Variants in SBNO2 observed in about 807,000 individuals in gnomAD.
SBNO2 encodes the protein protein strawberry notch homolog 2.
In SBNO2, 89 loss-of-function variants were observed where a neutral mutation model predicts 146.3. The observed-to-expected ratio is 0.61, with a 90% CI of 0.51 to 0.73. SBNO2 has a LOEUF of 0.73. SBNO2 is among the 30% of genes least tolerant of loss of function. SBNO2 has a pLI of 0.00. For synonymous variants in SBNO2, 1,147 were observed against 892.6 expected (o/e 1.29, Z -5.08); for missense variants, 2,092 against 2,003.7 (o/e 1.04, Z -0.84).
At chr19:1,146,245 G>A (rs2080188667) in intron 4 of SBNO2, among the ~76,000 whole-genome samples, 3 of 152,094 alleles carry the variant, frequency 2.0e-5, no homozygotes, top group South Asian at 4.1e-4. Flanking sequence ...CGGACTTGAC[G>A]GACGCGGTCA....
intron 12 of SBNO2, 27 bp downstream of exon 12, chr19:1,119,879 G>A: frequency 6.7e-7 from 1 of 1,496,164 alleles, no homozygotes; most frequent in Non-Finnish European, 9.0e-7. Context: ...GCTGCGGGTG[G>A]GTCACGTGGG....
rs1304957034 is a variant in SBNO2 at position 1,173,631 on chromosome 19, G to T, written c.-127+541C>A. Reference sequence around the variant, plus strand: ...CGAGGAGCCTGGAGTCAGGAATCGGGGCGGCGGGAGAGACCGGGGGTCACT... The same window carrying T: ...CGAGGAGCCTGGAGTCAGGAATCGGTGCGGCGGGAGAGACCGGGGGTCACT... On this transcript the variant is annotated intron_variant, in intron 1 of 31. Transcript: ENST00000361757. This position sits in a 1 kb window ranked among gnomAD's most constrained non-coding sequence, Gnocchi z 4.7. 6.6e-6 allele frequency: 1 copy of T among 152,452 alleles called. No homozygotes were observed. The highest frequency in any genetic ancestry group is 1.5e-5 in the Non-Finnish European group (1 of 68,296). The allele number at this position is 152,452 out of a possible 1,614,324, so 9.4% of individuals were successfully genotyped here. A position where few individuals can be genotyped will look rare whatever the true frequency, so the allele number is the denominator to read the frequency against.
At chr19:1,119,192 A>G (rs2145214241) in intron 13 of SBNO2, 28 bp from the exon 14 acceptor site, 1 of 1,575,488 alleles carries the variant, frequency 6.3e-7, no homozygotes, top group South Asian at 1.1e-5. Flanking sequence ...CCCCGTGAGC[A>G]CGGCCAGAGC....
At chr19:1,118,780 G>T (rs1448427464) in intron 14 of SBNO2, among the ~76,000 whole-genome samples, 2 of 152,126 alleles carry the variant, frequency 1.3e-5, no homozygotes, top group African/African-American at 2.4e-5. Context: ...GCTGAGGGGG[G>T]AGAATCGCTT....
chr19:1,127,395 G>A (rs2079977564), intron 5 of SBNO2: 2 of 597,054 alleles, frequency 3.3e-6, no homozygotes, highest in East Asian at 2.8e-5. Flanking sequence ...AGCCACAGAT[G>A]TCCTGGACGT....
rs2080233776 is a variant in SBNO2 at position 1,150,594 on chromosome 19, G to T, written c.94-1152C>A. 6.6e-6 allele frequency among the ~76,000 whole-genome samples: 1 copy of T among 152,038 alleles called. No homozygotes were observed. The highest frequency in any genetic ancestry group is 1.5e-5 in the Non-Finnish European group (1 of 67,988). ...CATGGGGGAGACACCACCAGCCGGGGGCATCATCCTGCTTATCCCAGCAGG... is the reference window on the plus strand; with the variant it reads ...CATGGGGGAGACACCACCAGCCGGGTGCATCATCCTGCTTATCCCAGCAGG... On this transcript the variant is annotated intron_variant, in intron 2 of 31. Coordinates refer to ENST00000361757, the MANE Select transcript of SBNO2 (RefSeq NM_014963.3). This position sits in a 1 kb window ranked among gnomAD's most constrained non-coding sequence, Gnocchi z 6.2.
At chr19:1,113,096 G>A (rs576746627) in intron 19 of SBNO2, 147 bp from the exon 20 acceptor site, 18 of 942,540 alleles carry the variant, frequency 1.9e-5, no homozygotes, top group African/African-American at 1.0e-4. Flanking sequence ...AAGGGAGGGC[G>A]GGACTGCTGG....
At chr19:1,118,776 G>C (rs977026852) in intron 14 of SBNO2, among the ~76,000 whole-genome samples, 1 of 152,130 alleles carries the variant, frequency 6.6e-6, no homozygotes, top group East Asian at 1.9e-4. Context: ...AGAGGCTGAG[G>C]GGGGAGAATC....
intron 4 of SBNO2, among the ~76,000 whole-genome samples, chr19:1,146,957 G>A (rs1028772560): frequency 6.6e-6 from 1 of 152,180 alleles, no homozygotes; most frequent in Non-Finnish European, 1.5e-5. Context: ...AATGTGCAGG[G>A]TGTCTGGACC....
Position 1,108,731 on chromosome 19 carries a change from C to A in SBNO2, c.3617-27G>T, listed in dbSNP as rs760470589. The A allele has an allele frequency of 1.6e-5, 25 of 1,577,494 alleles. 1 individual carries two copies. The South Asian group carries it at 2.4e-4, about 15-fold the overall frequency. On this transcript the variant is annotated intron_variant, in intron 31 of 31. Coordinates refer to ENST00000361757, the MANE Select transcript of SBNO2 (RefSeq NM_014963.3). ...TGCGGGCAGAGCGTCGGGGTCAGGGCCGGCGCTGGGGGCTCGGGCCTTCCC... is the reference window on the plus strand; with the variant it reads ...TGCGGGCAGAGCGTCGGGGTCAGGGACGGCGCTGGGGGCTCGGGCCTTCCC...
intron 15 of SBNO2, 89 bp downstream of exon 15, chr19:1,117,234 G>T: frequency 7.5e-7 from 1 of 1,340,742 alleles, no homozygotes. Flanking sequence ...CCCACGTCTG[G>T]GGAGGGGCCA....
intron 14 of SBNO2, among the ~76,000 whole-genome samples, chr19:1,117,753 G>T (rs930844141): frequency 1.3e-5 from 2 of 152,250 alleles, no homozygotes; most frequent in African/African-American, 4.8e-5. Flanking sequence ...CGGCAAACAG[G>T]CTCAGCTCCT....
chr19:1,108,036 C>G lies in SBNO2; in HGVS notation c.*184G>C. The G allele has an allele frequency of 2.0e-6, 1 of 508,646 alleles. No homozygotes were observed. Among genetic ancestry groups the G allele is most frequent in the East Asian group, 4.5e-5 (1 of 22,184 alleles). 31.5% of individuals were successfully genotyped at this position (508,646 alleles called of 1,614,324 possible). ...GGCCCTGCCACGCCCCGGCCCCCAG[C>G]TGTCCTGAGTGGGCCCCGCCAGGGC... is the stretch of plus-strand genomic sequence containing the variant. On this transcript the variant is annotated 3_prime_UTR_variant, in exon 32 of 32. Transcript: ENST00000361757.
rs375981067 is a variant in SBNO2, at chr19:1,123,632, C to T, written c.530G>A (p.Ser177Asn). 27 of 1,612,218 alleles carry T rather than the reference C, an allele frequency of 1.7e-5. No individual in the cohort carries two copies. In the East Asian group the frequency reaches 5.8e-4, roughly 35 times the overall value. ...CTCCTCCTCTGGCTGGCTCTGCACACTCTGCTCCTGCGTGCGTGGCGGGAG... is the reference window on the plus strand; with the variant it reads ...CTCCTCCTCTGGCTGGCTCTGCACATTCTGCTCCTGCGTGCGTGGCGGGAG... ...TPLLVSYQEQSVQSQPEEEDE... is the reference protein window; with the variant it reads ...TPLLVSYQEQNVQSQPEEEDE... The change falls in exon 7 of 32, where the codon AGT becomes AAT. Residue 177 changes from serine to asparagine, a missense_variant. By Grantham distance (46) the Ser-to-Asn change is conservative. Transcript: ENST00000361757.
rs540056953 is a variant in SBNO2, at chr19:1,158,513, A to G, written c.-126-4111T>C. 3.1e-3 allele frequency among the ~76,000 whole-genome samples: 474 copies of G among 151,876 alleles called. 2 individuals carry two copies. Among genetic ancestry groups the G allele is most frequent in the African/African-American group, 0.011 (459 of 41,398 alleles). Reference sequence around the variant, plus strand: ...GAGACCACGGGAGGACCCAGGGCGCACGGCACACCCCAGAGCGCTCCGCCC... The same window carrying G: ...GAGACCACGGGAGGACCCAGGGCGCGCGGCACACCCCAGAGCGCTCCGCCC... On this transcript the variant is annotated intron_variant, in intron 1 of 31. Transcript: ENST00000361757. This position sits in a 1 kb window ranked among gnomAD's most constrained non-coding sequence, Gnocchi z 9.9.
At chr19:1,121,408 C>T (rs1430624595) in intron 11 of SBNO2, among the ~76,000 whole-genome samples, 1 of 152,202 alleles carries the variant, frequency 6.6e-6, no homozygotes, top group Non-Finnish European at 1.5e-5. Flanking sequence ...TCTGGCCAGT[C>T]TGAATGTTCT....
At position 1,158,976 on chromosome 19, in the gene SBNO2, C is replaced by T. The variant is rs1173516051; in HGVS notation, c.-126-4574G>A. Among the ~76,000 whole-genome samples, 4 of 151,014 alleles carry T rather than the reference C, an allele frequency of 2.6e-5. No homozygotes were observed. The highest frequency in any genetic ancestry group is 5.9e-5 in the Non-Finnish European group (4 of 67,666). ...CCGTGACCCCACTTGCAGCTGCAAC[C>T]GCCGCCCCACGGCCGTGACCCCACC... On this transcript the variant is annotated intron_variant, in intron 1 of 31. Transcript: ENST00000361757. The surrounding 1 kb of genome is among the most constrained non-coding windows in gnomAD (Gnocchi z 9.9).
At chr19:1,130,749 G>C (rs1432701109) in intron 4 of SBNO2, among the ~76,000 whole-genome samples, 4 of 152,160 alleles carry the variant, frequency 2.6e-5, no homozygotes, top group Non-Finnish European at 4.4e-5. Context: ...CCGAGATCGT[G>C]CCACTGCACA....
intron 14 of SBNO2, among the ~76,000 whole-genome samples, chr19:1,118,756 C>CA (rs1478334397): frequency 6.6e-6 from 1 of 152,102 alleles, no homozygotes; most frequent in East Asian, 1.9e-4. Context: ...CCTGTAACTC[C>CA]AGCTACTCGA....
Sources: allele counts gnomAD v4.1 joint callset (sites outside exome capture counted in the v4.1 genomes callset), GRCh38; gene constraint gnomAD v4.1.1; non-coding constraint Gnocchi (gnomAD v3.1); transcripts MANE v1.5; gene names NCBI Gene and HGNC (gene_info 2026-07-23, HGNC 2026-07-21).